Variants in METTL6 observed in about 807,000 individuals in gnomAD.
METTL6 encodes tRNA N(3)-cytidine methyltransferase METTL6.
In METTL6, 22 loss-of-function variants were observed where a neutral mutation model predicts 26.4. That is an observed-to-expected ratio of 0.83 (90% CI 0.59 to 1.19). METTL6 has a LOEUF of 1.19. METTL6 is among the 50% of genes most tolerant of loss of function. The pLI is 0.00. For synonymous variants in METTL6, 109 were observed against 116.2 expected, an observed-to-expected ratio of 0.94 and a Z score of 0.40; for missense variants, 304 against 324.8, an observed-to-expected ratio of 0.94 and a Z score of 0.49.
chr3:15,405,997 G>A (rs1481165083), downstream of METTL6, among the ~76,000 whole-genome samples: 1 of 151,542 alleles, frequency 6.6e-6, no homozygotes, highest in African/African-American at 2.4e-5. Context: ...TATGGAGTAT[G>A]TGTGTGTGTA....
intron 6 of METTL6, among the ~76,000 whole-genome samples, chr3:15,387,903 A>G (rs1699240771): frequency 6.7e-6 from 1 of 149,230 alleles, no homozygotes; most frequent in Non-Finnish European, 1.5e-5. Context: ...GCCTTGACCT[A>G]CTGGGCTCAT....
intron 6 of METTL6, among the ~76,000 whole-genome samples, chr3:15,391,088 TC>T (rs747658696): frequency 1.8e-4 from 27 of 152,232 alleles, no homozygotes; most frequent in Non-Finnish European, 3.1e-4. Context: ...GTTAGCCACA[TC>T]TACCCATAGT....
intron 6 of METTL6, among the ~76,000 whole-genome samples, chr3:15,401,274 T>C (rs1397244928): frequency 2.0e-5 from 3 of 151,854 alleles, no homozygotes; most frequent in Non-Finnish European, 2.9e-5. Flanking sequence ...CTCCTGACCT[T>C]GTGATCCGCC....
chr3:15,398,760 G>C lies in METTL6; in HGVS notation c.*11+12485C>G, dbSNP rs1699559611. Among the ~76,000 whole-genome samples, 3 of 152,310 alleles carry C rather than the reference G, an allele frequency of 2.0e-5. No individual in the cohort carries two copies. In the South Asian group the frequency reaches 6.2e-4, roughly 32 times the overall value. ...AGCTACTCAGGAGGCTGAGGTGGGA[G>C]GATCATCTGAGCCTGGGAAGTTGAG... On this transcript the variant is annotated intron_variant, in intron 6 of 6. Transcript: ENST00000443029.
intron 6 of METTL6, among the ~76,000 whole-genome samples, chr3:15,400,069 G>A (rs564893817): frequency 9.9e-5 from 15 of 152,278 alleles, no homozygotes; most frequent in African/African-American, 2.9e-4. Context: ...CACAGGAAGA[G>A]GAGATTGTGG....
downstream of METTL6, among the ~76,000 whole-genome samples, chr3:15,407,321 C>T (rs971658586): frequency 2.6e-5 from 4 of 152,150 alleles, no homozygotes; most frequent in Non-Finnish European, 5.9e-5. Context: ...TGCCCAGCTT[C>T]ACCTTTAAAT....
downstream of METTL6, among the ~76,000 whole-genome samples, chr3:15,408,460 G>A (rs1486373190): frequency 6.6e-6 from 1 of 151,900 alleles, no homozygotes; most frequent in Non-Finnish European, 1.5e-5. Flanking sequence ...TAAAAACGAG[G>A]AATGTGAGGT....
chr3:15,395,921 C>T (rs1387473394), intron 6 of METTL6, among the ~76,000 whole-genome samples: 2 of 152,156 alleles, frequency 1.3e-5, no homozygotes, highest in African/African-American at 2.4e-5. Context: ...TCTGGCTGCC[C>T]TTAACATTTT....
intron 6 of METTL6, among the ~76,000 whole-genome samples, chr3:15,392,332 T>A (rs1470719162): frequency 6.6e-6 from 1 of 151,478 alleles, no homozygotes; most frequent in Non-Finnish European, 1.5e-5. Flanking sequence ...CTTTGCCCAC[T>A]TGTTGATGGG....
chr3:15,420,643 A>T (rs1215625612), intron 3 of METTL6, among the ~76,000 whole-genome samples: 1 of 152,180 alleles, frequency 6.6e-6, no homozygotes, highest in Non-Finnish European at 1.5e-5. Context: ...TTTGCTATGT[A>T]TATAGTGTAT....
intron 3 of METTL6, among the ~76,000 whole-genome samples, chr3:15,420,653 T>C (rs139538934): frequency 6.6e-5 from 10 of 152,342 alleles, no homozygotes; most frequent in Non-Finnish European, 1.0e-4. Context: ...ATATAGTGTA[T>C]ATGAAGGACA....
intron 6 of METTL6, among the ~76,000 whole-genome samples, chr3:15,389,608 G>A (rs1034031828): frequency 6.6e-6 from 1 of 151,908 alleles, no homozygotes; most frequent in Non-Finnish European, 1.5e-5. Context: ...GGAGCGCAAT[G>A]GCGCAATCTC....
At chr3:15,424,236 G>A (rs1195634078) in intron 3 of METTL6, among the ~76,000 whole-genome samples, 1 of 152,128 alleles carries the variant, frequency 6.6e-6, no homozygotes, top group Non-Finnish European at 1.5e-5. Flanking sequence ...TCTGAATTTG[G>A]AATGGATGTT....
intron 6 of METTL6, among the ~76,000 whole-genome samples, chr3:15,398,953 C>A (rs1699564303): frequency 6.6e-6 from 1 of 152,132 alleles, no homozygotes; most frequent in Non-Finnish European, 1.5e-5. Context: ...GTCACAAAGA[C>A]CTTGCTGATA....
At chr3:15,409,092 G>T (rs1221586506), downstream of METTL6, among the ~76,000 whole-genome samples, 1 of 152,188 alleles carries the variant, frequency 6.6e-6, no homozygotes, top group Non-Finnish European at 1.5e-5. Flanking sequence ...CCCCTCCCAA[G>T]AAGTTGAGGA....
At chr3:15,413,333 T>C (rs1340474776) in intron 5 of METTL6, among the ~76,000 whole-genome samples, 8 of 152,118 alleles carry the variant, frequency 5.3e-5, no homozygotes, top group African/African-American at 1.9e-4. Flanking sequence ...CCACCACTTT[T>C]GGAGGCTGAG....
chr3:15,393,793 T>A (rs1314541585), intron 6 of METTL6, among the ~76,000 whole-genome samples: 2 of 152,236 alleles, frequency 1.3e-5, no homozygotes, highest in African/African-American at 4.8e-5. Flanking sequence ...ATATGCTGGA[T>A]TACATTTATT....
intron 5 of METTL6, among the ~76,000 whole-genome samples, chr3:15,412,883 G>A (rs998530928): frequency 1.5e-4 from 23 of 152,092 alleles, no homozygotes; most frequent in Non-Finnish European, 3.1e-4. Flanking sequence ...TGATTAGGTA[G>A]ACTATGTTCA....
chr3:15,404,097 G>A (rs1422528760), intron 6 of METTL6, among the ~76,000 whole-genome samples: 3 of 152,062 alleles, frequency 2.0e-5, no homozygotes, highest in Non-Finnish European at 2.9e-5. Flanking sequence ...CTATGACTAA[G>A]AATGCCTTAA....
Sources: allele counts gnomAD v4.1 joint callset (sites outside exome capture counted in the v4.1 genomes callset), GRCh38; gene constraint gnomAD v4.1.1; transcripts MANE v1.5; gene names NCBI Gene and HGNC (gene_info 2026-07-23, HGNC 2026-07-21).